Variants in SCAPER observed in about 807,000 individuals in gnomAD.
SCAPER encodes S phase cyclin A-associated protein in the endoplasmic reticulum.
In SCAPER, 98 loss-of-function variants were observed where a neutral mutation model predicts 182.2. That is an observed-to-expected ratio of 0.54 (90% CI 0.46 to 0.64). The LOEUF is 0.64. Among genes scored for constraint, SCAPER ranks in the 30% least tolerant of loss-of-function variants. The pLI is 0.00. For missense variants in SCAPER, 1,432 were observed against 1,690.0 expected (o/e 0.85, Z 2.68); for synonymous variants, 605 against 564.6 (o/e 1.07, Z -1.01).
At chr15:76,403,115 C>G (rs1160432612) in intron 27 of SCAPER, among the ~76,000 whole-genome samples, 2 of 152,172 alleles carry the variant, frequency 1.3e-5, no homozygotes, top group Non-Finnish European at 2.9e-5. Flanking sequence ...GAGAGAGGGT[C>G]AGCACAGGTC....
At chr15:76,640,188 A>C (rs931877413) in intron 21 of SCAPER, among the ~76,000 whole-genome samples, 2 of 152,156 alleles carry the variant, frequency 1.3e-5, no homozygotes, top group Non-Finnish European at 2.9e-5. Flanking sequence ...CAAAAATTCT[A>C]CTCGGATGTG....
Position 76,501,345 on chromosome 15 carries a change from T to TAA in SCAPER, c.2954+3512_2954+3513dup, listed in dbSNP as rs35025661. Reference sequence around the variant, plus strand: ...AGTAGGTATAACTCTCAATTTCATGTAAAAAAAAAAAAAAAAAAGCTTCTG... The same window carrying TAA: ...AGTAGGTATAACTCTCAATTTCATGTAAAAAAAAAAAAAAAAAAAAGCTTCTG... On this transcript the variant is annotated intron_variant, in intron 24 of 31. Coordinates refer to ENST00000563290, the MANE Select transcript of SCAPER (RefSeq NM_020843.4). Among the ~76,000 whole-genome samples, 333 of 126,982 alleles carry TAA rather than the reference T, an allele frequency of 2.6e-3. 6 individuals carry two copies. Among genetic ancestry groups the TAA allele is most frequent in the East Asian group, 2.6e-3 (11 of 4,272 alleles). 83.3% of individuals were successfully genotyped at this position (126,982 alleles called of 152,430 possible).
In SCAPER at chr15:76,765,257, C is replaced by T. The variant is rs115966504; in HGVS notation, c.1613+80G>A. On this transcript the variant is annotated intron_variant, in intron 13 of 31. Coordinates refer to ENST00000563290, the MANE Select transcript of SCAPER (RefSeq NM_020843.4). ...TGAAGTAATGTGTCCAAAAATGCCA[C>T]GTAGCAATTTTATTTAACAGTCAAG... The T allele has an allele frequency of 3.0e-3, 3,586 of 1,184,828 alleles. 73 individuals are homozygous for T. In the African/African-American group the frequency reaches 0.044, roughly 15 times the overall value. The allele number at this position is 1,184,828 out of a possible 1,614,324, so 73.4% of individuals were successfully genotyped here.
intron 23 of SCAPER, among the ~76,000 whole-genome samples, chr15:76,516,376 C>G (rs2042423171): frequency 6.6e-6 from 1 of 150,652 alleles, no homozygotes; most frequent in Non-Finnish European, 1.5e-5. Context: ...ACCCCCCACC[C>G]CACCCCCGCA....
chr15:76,875,934 A>G (rs1245507246), intron 2 of SCAPER, among the ~76,000 whole-genome samples: 1 of 152,160 alleles, frequency 6.6e-6, no homozygotes, highest in African/African-American at 2.4e-5. Flanking sequence ...GGGCGGGGTC[A>G]GGCTCAGGCA....
chr15:76,811,703 G>A (rs959565452), intron 5 of SCAPER, among the ~76,000 whole-genome samples: 2 of 151,714 alleles, frequency 1.3e-5, no homozygotes, highest in East Asian at 3.9e-4. Context: ...CAGGAGAATC[G>A]CTTGAACCCA....
At chr15:76,664,899 T>C (rs552502019) in intron 21 of SCAPER, among the ~76,000 whole-genome samples, 55 of 152,310 alleles carry the variant, frequency 3.6e-4, no homozygotes, top group Non-Finnish European at 5.7e-4. Flanking sequence ...TACAGAGAGA[T>C]AACTGCACTG....
At position 76,596,209 on chromosome 15, in the gene SCAPER, A is replaced by G. The variant is rs2049480208; in HGVS notation, c.2712-21925T>C. 1.7e-5 allele frequency among the ~76,000 whole-genome samples: 2 copies of G among 120,132 alleles called. 1 individual carries two copies. The highest frequency in any genetic ancestry group is 1.9e-4 in the Admixed American group (2 of 10,510). The allele number at this position is 120,132 out of a possible 152,430, so 78.8% of individuals were successfully genotyped here. ...ATGCAAATAAACTAGAAAATCTAGA[A>G]GAAATGGATAACTTCCTGGACACAT... On this transcript the variant is annotated intron_variant, in intron 22 of 31. Coordinates refer to ENST00000563290, the MANE Select transcript of SCAPER (RefSeq NM_020843.4).
chr15:76,771,150 T>C (rs1008613025), intron 10 of SCAPER, among the ~76,000 whole-genome samples: 14 of 152,108 alleles, frequency 9.2e-5, no homozygotes, highest in African/African-American at 3.4e-4. Flanking sequence ...TAAACAAAGT[T>C]AGCATGATTT....
At chr15:76,465,887 T>C (rs2049573779) in intron 25 of SCAPER, among the ~76,000 whole-genome samples, 1 of 152,168 alleles carries the variant, frequency 6.6e-6, no homozygotes, top group Admixed American at 6.6e-5. Flanking sequence ...GCCCTTTGAA[T>C]ATATCCCTCC....
At chr15:76,486,421 C>T (rs1044336815) in intron 24 of SCAPER, among the ~76,000 whole-genome samples, 4 of 152,004 alleles carry the variant, frequency 2.6e-5, no homozygotes, top group Non-Finnish European at 4.4e-5. Context: ...ACAGAGTAAG[C>T]AGATGACCTA....
chr15:76,602,939 A>G lies in SCAPER; in HGVS notation c.2711+18825T>C, dbSNP rs542313148. ...TTTTTTTTTTTTTTAATTTGAGCTC[A>G]TTTATTGGTTCAGAATTTACTAAGA... On this transcript the variant is annotated intron_variant, in intron 22 of 31. Transcript: ENST00000563290. Among the ~76,000 whole-genome samples the G allele has an allele frequency of 4.7e-5, 3 of 63,278 alleles. No individual in the cohort carries two copies. In the South Asian group the frequency reaches 1.3e-3, roughly 27 times the overall value. 41.5% of individuals were successfully genotyped at this position (63,278 alleles called of 152,430 possible).
At chr15:76,736,907 A>C (rs1013150063) in intron 15 of SCAPER, 1 of 156,568 alleles carries the variant, frequency 6.4e-6, no homozygotes, top group African/African-American at 2.4e-5. Context: ...AATTTTTGTC[A>C]TAAGACTGCA....
At chr15:76,904,870 AG>A (rs1188281224) in intron 1 of SCAPER, 1 of 152,332 alleles carries the variant, frequency 6.6e-6, no homozygotes, top group East Asian at 1.9e-4. Flanking sequence ...TGTCAAACGA[AG>A]GGAGGCTCCT....
intron 15 of SCAPER, among the ~76,000 whole-genome samples, chr15:76,750,024 A>C (rs949253847): frequency 6.6e-6 from 1 of 151,994 alleles, no homozygotes; most frequent in African/African-American, 2.4e-5. Flanking sequence ...TACTGGTATA[A>C]AAACAGGCAC....
intron 4 of SCAPER, among the ~76,000 whole-genome samples, chr15:76,850,190 C>G (rs1322441910): frequency 1.3e-5 from 2 of 152,226 alleles, no homozygotes; most frequent in African/African-American, 4.8e-5. Flanking sequence ...TTGCACAAAG[C>G]TTGAGTCCTA....
At chr15:76,861,043 T>C (rs543647849) in intron 3 of SCAPER, among the ~76,000 whole-genome samples, 4 of 152,170 alleles carry the variant, frequency 2.6e-5, no homozygotes, top group East Asian at 1.9e-4. Context: ...CATAAATACA[T>C]ACATACATAA....
At chr15:76,831,294 A>C (rs986989191) in intron 5 of SCAPER, among the ~76,000 whole-genome samples, 4 of 152,004 alleles carry the variant, frequency 2.6e-5, no homozygotes, top group Admixed American at 2.0e-4. Context: ...GGCCTCTTTC[A>C]GGGTCCCTCC....
chr15:76,420,862 C>T (rs2045983528), intron 26 of SCAPER, among the ~76,000 whole-genome samples: 1 of 152,156 alleles, frequency 6.6e-6, no homozygotes, highest in African/African-American at 2.4e-5. Flanking sequence ...TGAGTGAGAA[C>T]ATGCGGTGTT....
Sources: gnomAD v4.1 joint callset for allele counts (sites outside exome capture counted in the v4.1 genomes callset) on GRCh38, gnomAD v4.1.1 for gene constraint, MANE v1.5 for transcripts, NCBI Gene and HGNC (gene_info 2026-07-23, HGNC 2026-07-21) for gene names.